The following USP25 variants were observed in gnomAD, a reference collection of about 807,000 sequenced individuals.
USP25 encodes the protein ubiquitin specific peptidase 25, also known as ubiquitin carboxyl-terminal hydrolase 25.
In USP25, 85 loss-of-function variants were observed where a neutral mutation model predicts 158.5. The observed-to-expected ratio is 0.54, with a 90% CI of 0.45 to 0.64. The LOEUF is 0.64. USP25 is among the 30% of genes least tolerant of loss of function. The probability of loss-of-function intolerance (pLI) is 0.00; values close to 1 mark genes in which losing one functional copy is unlikely to be tolerated. For missense variants in USP25, 1,242 were observed against 1,327.3 expected (o/e 0.94, Z 1.00); for synonymous variants, 464 against 460.4 (o/e 1.01, Z -0.10).
At chr21:15,866,906 A>G (rs2039683672) in intron 22 of USP25, among the ~76,000 whole-genome samples, 1 of 152,142 alleles carries the variant, frequency 6.6e-6, no homozygotes, top group African/African-American at 2.4e-5. Context: ...AATAGAACCT[A>G]CATTCTTAAC....
chr21:15,795,453 T>G (rs1190308654), intron 5 of USP25, among the ~76,000 whole-genome samples: 3 of 151,630 alleles, frequency 2.0e-5, no homozygotes, highest in Admixed American at 2.0e-4. Context: ...TGCTTCATTT[T>G]TTTGTTTGTT....
intron 19 of USP25, 81 bp downstream of exon 19, chr21:15,847,857 A>G: frequency 2.4e-6 from 2 of 825,220 alleles, no homozygotes; most frequent in East Asian, 2.7e-5. Context: ...CTGCACCCTC[A>G]TACTTAATGT....
chr21:15,793,192 A>C (rs2035684896), intron 5 of USP25, among the ~76,000 whole-genome samples: 1 of 151,702 alleles, frequency 6.6e-6, no homozygotes, highest in South Asian at 2.1e-4. Context: ...GTCATTGATT[A>C]GAAGCTTTTC....
intron 24 of USP25, 199 bp from the exon 25 acceptor site, chr21:15,877,597 C>G: frequency 4.7e-6 from 2 of 429,280 alleles, no homozygotes; most frequent in Non-Finnish European, 4.1e-6. Flanking sequence ...GCTTTTGTTT[C>G]TGTTGTTGCC....
intron 10 of USP25, among the ~76,000 whole-genome samples, chr21:15,819,826 C>A (rs2146332741): frequency 6.6e-6 from 1 of 151,504 alleles, no homozygotes; most frequent in South Asian, 2.1e-4. Context: ...TTAACCCTTT[C>A]CTGTTTCAAG....
intron 6 of USP25, among the ~76,000 whole-genome samples, chr21:15,803,593 TTTAC>T (rs1353932059): frequency 6.6e-6 from 1 of 151,838 alleles, no homozygotes; most frequent in East Asian, 1.9e-4. Context: ...TAGGAAGCAA[TTTAC>T]TTTTCAAATA....
chr21:15,842,274 A>T, intron 17 of USP25, 124 bp from the exon 18 acceptor site: 1 of 1,027,708 alleles, frequency 9.7e-7, no homozygotes. Flanking sequence ...GATATATTTT[A>T]CTTTGAATGG....
chr21:15,780,526 C>T (rs1260285378), intron 4 of USP25, among the ~76,000 whole-genome samples: 2 of 152,186 alleles, frequency 1.3e-5, no homozygotes, highest in Non-Finnish European at 2.9e-5. Flanking sequence ...TGAAGTGCCT[C>T]ATTAGAAGAT....
At chr21:15,798,612 C>T (rs776697582) in intron 5 of USP25, among the ~76,000 whole-genome samples, 3 of 151,090 alleles carry the variant, frequency 2.0e-5, no homozygotes, top group Non-Finnish European at 4.5e-5. Context: ...TAGTGTCTGG[C>T]ATATAGTAGA....
intron 1 of USP25, among the ~76,000 whole-genome samples, chr21:15,747,843 T>G (rs2032687253): frequency 6.6e-6 from 1 of 152,200 alleles, no homozygotes; most frequent in South Asian, 2.1e-4. Flanking sequence ...TAACTGAAAC[T>G]TCAAAAAGTG....
chr21:15,847,307 G>C (rs73892554), intron 18 of USP25, among the ~76,000 whole-genome samples: 2 of 152,072 alleles, frequency 1.3e-5, no homozygotes, highest in Admixed American at 1.3e-4. Context: ...TTTATCTTAA[G>C]TACTTAAAGT....
intron 23 of USP25, 139 bp from the exon 24 acceptor site, chr21:15,874,264 A>G (rs1223814371): frequency 2.8e-6 from 2 of 725,306 alleles, no homozygotes; most frequent in African/African-American, 1.8e-5. Context: ...TCAAGCATAC[A>G]CTGCGTCAGA....
At chr21:15,869,993 A>G (rs1367675441) in intron 22 of USP25, 75 bp from the exon 23 acceptor site, 22 of 1,108,612 alleles carry the variant, frequency 2.0e-5, no homozygotes, top group Non-Finnish European at 2.8e-5. Context: ...GAAACAGTGC[A>G]TTACTTTTTG....
chr21:15,772,712 C>T (rs2034426789), intron 3 of USP25, among the ~76,000 whole-genome samples: 1 of 152,170 alleles, frequency 6.6e-6, no homozygotes, highest in Non-Finnish European at 1.5e-5. Flanking sequence ...TTACACAAAT[C>T]ATTATTCCAC....
chr21:15,878,810 TC>T lies in USP25; in HGVS notation c.*337del, dbSNP rs987215094. On this transcript the variant is annotated 3_prime_UTR_variant, in exon 26 of 26. Transcript: ENST00000400183. ...CAGCTTTCCATTCAGTCTGGATCCT[TC>T]CATGACTACAGCCATTTAAGTGTTC... is the stretch of plus-strand genomic sequence containing the variant. 2.3e-4 allele frequency: 47 copies of T among 207,122 alleles called. No individual in the cohort carries two copies. The highest frequency in any genetic ancestry group is 6.8e-5 in the Non-Finnish European group (7 of 102,616). The allele number at this position is 207,122 out of a possible 1,614,324, so 12.8% of individuals were successfully genotyped here.
intron 24 of USP25, chr21:15,876,975 T>G (rs1332784297): frequency 6.6e-6 from 1 of 152,232 alleles, no homozygotes; most frequent in East Asian, 1.9e-4. Context: ...ATGTTTCTTA[T>G]TGCATGGATT....
intron 8 of USP25, among the ~76,000 whole-genome samples, chr21:15,810,886 C>T (rs1020559444): frequency 2.6e-5 from 4 of 152,128 alleles, no homozygotes; most frequent in African/African-American, 7.2e-5. Flanking sequence ...AGTTCATACA[C>T]GTAGTAGCTC....
chr21:15,743,729 C>A (rs2032275744), intron 1 of USP25, among the ~76,000 whole-genome samples: 1 of 152,066 alleles, frequency 6.6e-6, no homozygotes, highest in African/African-American at 2.4e-5. Context: ...CAGGTTTCAC[C>A]AGGGACCTGT....
At chr21:15,819,556 A>C (rs1291719899) in intron 10 of USP25, among the ~76,000 whole-genome samples, 3 of 152,168 alleles carry the variant, frequency 2.0e-5, no homozygotes, top group African/African-American at 7.2e-5. Flanking sequence ...GAATGTGGCT[A>C]GAGGTCTTTA....
Sources: allele counts gnomAD v4.1 joint callset (sites outside exome capture counted in the v4.1 genomes callset), GRCh38; gene constraint gnomAD v4.1.1; transcripts MANE v1.5; gene names NCBI Gene and HGNC (gene_info 2026-07-23, HGNC 2026-07-21).